VPS26C: variants seen among roughly 807,000 people sequenced by gnomAD.
VPS26C encodes the protein VPS26 endosomal protein sorting factor C.
A neutral mutation model predicts 30.6 loss-of-function variants in VPS26C; 19 were observed. The ratio of observed to expected loss-of-function variants is 0.62; its 90% CI spans 0.43 to 0.91. The LOEUF (loss-of-function observed/expected upper bound fraction) is 0.91. Ranked by LOEUF, VPS26C falls within the 40% of genes least tolerant of loss-of-function variation. The pLI, the probability that VPS26C is intolerant of heterozygous loss-of-function variation, is 0.00. For missense variants in VPS26C, 318 were observed against 385.1 expected (o/e 0.83, Z 1.46); for synonymous variants, 132 against 151.5 (o/e 0.87, Z 0.95).
In VPS26C at chr21:37,233,432, C is replaced by A; in HGVS notation, c.362G>T (p.Arg121Leu). 1.2e-6 allele frequency: 2 copies of A among 1,613,938 alleles called. No homozygotes were observed. Among genetic ancestry groups the A allele is most frequent in the Non-Finnish European group, 1.7e-6 (2 of 1,179,916 alleles). The change falls in exon 4 of 8, where the codon CGC becomes CTC. Residue 121 changes from arginine (R) to leucine (L), a missense_variant. Arg to Leu is a moderately radical substitution (Grantham distance 102). Transcript: ENST00000309117. The surrounding 1 kb of genome is among the most constrained non-coding windows in gnomAD (Gnocchi z 5.2). ...CAACAGAGACCGCTTCATGTCACAG[C>A]GCAGTGTATACTAAAGGGGAGAGTT... Reference protein sequence around the residue: ...GVFVNIQYTLRCDMKRSLLAK... With the variant: ...GVFVNIQYTLLCDMKRSLLAK...
chr21:37,266,756 T>A (rs572099501), intron 1 of VPS26C: 2 of 169,562 alleles, frequency 1.2e-5, no homozygotes, highest in East Asian at 3.8e-4. Context: ...TTGTTAAAAG[T>A]GACTACCATC....
intron 1 of VPS26C, 87 bp from the exon 2 acceptor site, chr21:37,240,726 A>T (rs2086078553): frequency 1.3e-6 from 2 of 1,494,192 alleles, no homozygotes; most frequent in African/African-American, 2.8e-5. Context: ...CTCCTTCATC[A>T]TCAATTTGTT....
At position 37,229,809 on chromosome 21, in the gene VPS26C, C is replaced by T. The variant is rs76439387; in HGVS notation, c.508-1436G>A. ...GACCTGAAAAGCCCGGGACTCTGGA[C>T]CTGGCAGTCCCCAAAGGTACAGACC... On this transcript the variant is annotated intron_variant, in intron 5 of 7. Coordinates refer to ENST00000309117, the MANE Select transcript of VPS26C (RefSeq NM_006052.2). 4.1e-4 allele frequency among the ~76,000 whole-genome samples: 62 copies of T among 152,254 alleles called. 1 individual carries two copies. In the East Asian group the frequency reaches 9.8e-3, roughly 24 times the overall value.
chr21:37,242,666 C>G (rs1394749392), intron 1 of VPS26C, among the ~76,000 whole-genome samples: 1 of 152,150 alleles, frequency 6.6e-6, no homozygotes, highest in African/African-American at 2.4e-5. Context: ...ATAAATGAGA[C>G]AAAATAATTT....
chr21:37,257,298 A>G lies in VPS26C; in HGVS notation c.57+9940T>C, dbSNP rs1401159377. Among the ~76,000 whole-genome samples, 1 of 152,226 alleles carries G rather than the reference A, an allele frequency of 6.6e-6. No individual in the cohort carries two copies. The highest frequency in any genetic ancestry group is 1.5e-5 in the Non-Finnish European group (1 of 68,032). ...CAACTGACCTCTCCCTGCGCTCTGGACAGGCAAACAGGCAAGGTTCCCTCT... is the reference window on the plus strand; with the variant it reads ...CAACTGACCTCTCCCTGCGCTCTGGGCAGGCAAACAGGCAAGGTTCCCTCT... On this transcript the variant is annotated intron_variant, in intron 1 of 7. Coordinates refer to ENST00000309117, the MANE Select transcript of VPS26C (RefSeq NM_006052.2). This position sits in a 1 kb window ranked among gnomAD's most constrained non-coding sequence, Gnocchi z 4.2.
chr21:37,225,755 G>C (rs986660821), intron 7 of VPS26C, 129 bp from the exon 8 acceptor site: 1 of 738,100 alleles, frequency 1.4e-6, no homozygotes, highest in Non-Finnish European at 2.4e-6. Flanking sequence ...TTTCATTGCT[G>C]TCCCCTCAGC....
rs758089133 is a variant in VPS26C at position 37,240,509 on chromosome 21, T to C, written c.188A>G (p.Tyr63Cys). The C allele has an allele frequency of 1.7e-5, 27 of 1,614,050 alleles. No individual in the cohort carries two copies. The highest frequency in any genetic ancestry group is 2.2e-5 in the Non-Finnish European group (26 of 1,180,002). ...ATTCTTTCTTACCTTAACAGAATTA[T>C]AAAAAGCTTCAAACACACCCACACT... ...AKSVGVFEAF[Y>C]NSVKPIQIIN... The change falls in exon 2 of 8, where the codon TAT (tyrosine) becomes TGT (cysteine). Residue 63 changes from tyrosine (Y) to cysteine (C), a missense_variant. Tyr to Cys is a radical substitution (Grantham distance 194). Coordinates refer to ENST00000309117, the MANE Select transcript of VPS26C (RefSeq NM_006052.2).
chr21:37,227,521 ATG>A lies in VPS26C; in HGVS notation c.811+131_811+132del. On this transcript the variant is annotated intron_variant, in intron 7 of 7. Coordinates refer to ENST00000309117, the MANE Select transcript of VPS26C (RefSeq NM_006052.2). ...CGAAGGGCAGCAGGCTCTGAGCTGT[ATG>A]GCCTGTGGCAGGCCCTGGCACTGAG... 2.9e-6 allele frequency: 3 copies of A among 1,030,264 alleles called. No individual in the cohort carries two copies. In the South Asian group the frequency reaches 4.6e-5, roughly 16 times the overall value. The allele number at this position is 1,030,264 out of a possible 1,614,324, so 63.8% of individuals were successfully genotyped here.
intron 3 of VPS26C, among the ~76,000 whole-genome samples, chr21:37,234,153 A>G (rs1476757346): frequency 6.6e-6 from 1 of 152,236 alleles, no homozygotes; most frequent in Non-Finnish European, 1.5e-5. Context: ...CTGAATATGC[A>G]GTAACCCACA....
chr21:37,235,881 T>TATATA (rs1569233819), intron 3 of VPS26C, among the ~76,000 whole-genome samples: 13 of 139,710 alleles, frequency 9.3e-5, no homozygotes, highest in African/African-American at 3.0e-4. Flanking sequence ...ATATATATAT[T>TATATA]TTTTTTTTTA....
At chr21:37,244,872 G>C (rs1249862097) in intron 1 of VPS26C, among the ~76,000 whole-genome samples, 1 of 152,162 alleles carries the variant, frequency 6.6e-6, no homozygotes, top group East Asian at 1.9e-4. Flanking sequence ...GTACACCTGG[G>C]AACAGCTGAG....
intron 7 of VPS26C, 111 bp from the exon 8 acceptor site, chr21:37,225,737 C>A: frequency 1.1e-6 from 1 of 900,724 alleles, no homozygotes. Flanking sequence ...GCACCCGGTG[C>A]GGGTGGGTTT....
Position 37,233,467 on chromosome 21 carries a change from A to G in VPS26C, c.352-25T>C, listed in dbSNP as rs943038928. 6.3e-7 allele frequency: 1 copy of G among 1,583,142 alleles called. No individual in the cohort carries two copies. The highest frequency in any genetic ancestry group is 1.7e-5 in the Admixed American group (1 of 59,674). On this transcript the variant is annotated intron_variant, in intron 3 of 7. Transcript: ENST00000309117. This position sits in a 1 kb window ranked among gnomAD's most constrained non-coding sequence, Gnocchi z 5.2. ...ACTAAAGGGGAGAGTTGGAGGAAAA[A>G]AGTTCATTTTAGTGGGATTTGCTTT...
At chr21:37,267,651 C>G (rs1235860421), upstream of VPS26C, 1 of 295,642 alleles carries the variant, frequency 3.4e-6, no homozygotes, top group Non-Finnish European at 6.4e-6. Flanking sequence ...GAACGGCTCT[C>G]CCCGCGTGCC....
At position 37,233,897 on chromosome 21, in the gene VPS26C, G is replaced by A. The variant is rs78699922; in HGVS notation, c.352-455C>T. Among the ~76,000 whole-genome samples, 1,605 of 152,318 alleles carry A rather than the reference G, an allele frequency of 0.011. 28 individuals are homozygous for A. The highest frequency in any genetic ancestry group is 0.037 in the African/African-American group (1,532 of 41,566). On this transcript the variant is annotated intron_variant, in intron 3 of 7. Transcript: ENST00000309117. The surrounding 1 kb of genome is among the most constrained non-coding windows in gnomAD (Gnocchi z 5.2). ...GGGGCTCTTAAGACCCACCTGCAGCGAGACTCCAATGAGATCATGTGTGAC... is the reference window on the plus strand; with the variant it reads ...GGGGCTCTTAAGACCCACCTGCAGCAAGACTCCAATGAGATCATGTGTGAC...
intron 1 of VPS26C, among the ~76,000 whole-genome samples, chr21:37,265,065 T>C (rs1184224639): frequency 1.3e-5 from 2 of 152,204 alleles, no homozygotes; most frequent in East Asian, 3.9e-4. Flanking sequence ...ATTCCATTTA[T>C]ATGAAATGTC....
In VPS26C at chr21:37,225,473, C is replaced by T; in HGVS notation, c.*71G>A. 6 of 1,313,184 alleles carry T rather than the reference C, an allele frequency of 4.6e-6. No homozygotes were observed. The highest frequency in any genetic ancestry group is 2.4e-5 in the South Asian group (2 of 84,604). 81.3% of individuals were successfully genotyped at this position (1,313,184 alleles called of 1,614,324 possible). Reference sequence around the variant, plus strand: ...AAGTATATGCCGCTGGCTGTAGCTCCCCTTAGGATTTGGATAACCAGCTGG... The same window carrying T: ...AAGTATATGCCGCTGGCTGTAGCTCTCCTTAGGATTTGGATAACCAGCTGG... On this transcript the variant is annotated 3_prime_UTR_variant, in exon 8 of 8. Coordinates refer to ENST00000309117, the MANE Select transcript of VPS26C (RefSeq NM_006052.2).
intron 1 of VPS26C, among the ~76,000 whole-genome samples, chr21:37,258,833 G>C (rs1178724380): frequency 6.6e-6 from 1 of 152,332 alleles, no homozygotes; most frequent in South Asian, 2.1e-4. Flanking sequence ...CCATGCTCAG[G>C]CGCAGGCTGG....
In VPS26C at chr21:37,225,506, G is replaced by T; in HGVS notation, c.*38C>A. 6.4e-7 allele frequency: 1 copy of T among 1,572,422 alleles called. No homozygotes were observed. The highest frequency in any genetic ancestry group is 8.8e-7 in the Non-Finnish European group (1 of 1,142,148). On this transcript the variant is annotated 3_prime_UTR_variant, in exon 8 of 8. Transcript: ENST00000309117. ...ATTTGGATAACCAGCTGGATTTCCAGATGGCCACTCCCGTTCTCTATGCTT... is the reference window on the plus strand; with the variant it reads ...ATTTGGATAACCAGCTGGATTTCCATATGGCCACTCCCGTTCTCTATGCTT...
Sources: gnomAD v4.1 joint callset for allele counts (sites outside exome capture counted in the v4.1 genomes callset) on GRCh38, gnomAD v4.1.1 for gene constraint, Gnocchi (gnomAD v3.1) non-coding constraint, MANE v1.5 for transcripts, NCBI Gene and HGNC (gene_info 2026-07-23, HGNC 2026-07-21) for gene names.